Variants in SLC25A32 observed in about 807,000 individuals in gnomAD.
SLC25A32 encodes Glycine auxotroph B, complementation of hamster.
Under a neutral mutation model 39.0 loss-of-function variants are expected in SLC25A32, and 32 were observed. That is an observed-to-expected ratio of 0.82 (90% confidence interval 0.62 to 1.10). The LOEUF is 1.10. Ranked by LOEUF, SLC25A32 falls within the 50% of genes least tolerant of loss-of-function variation. SLC25A32 has a pLI of 0.00. For missense variants in SLC25A32, 367 were observed against 395.3 expected (o/e 0.93, Z 0.61); for synonymous variants, 166 against 152.4 (o/e 1.09, Z -0.66).
intron 2 of SLC25A32, among the ~76,000 whole-genome samples, chr8:103,405,596 C>T (rs918074301): frequency 6.6e-6 from 1 of 151,980 alleles, no homozygotes; most frequent in Non-Finnish European, 1.5e-5. Flanking sequence ...TCAAATCAGC[C>T]TATTTCCTTT....
rs1336083879 is a variant in SLC25A32, at chr8:103,402,041, C to T, written c.566G>A (p.Gly189Glu). The change falls in exon 5 of 7, where the codon GGG (glycine) becomes GAG (glutamate). Residue 189 changes from glycine (G) to glutamate (E), a missense_variant. Gly to Glu is a moderately conservative substitution (Grantham distance 98). Transcript: ENST00000297578. The stretch of plus-strand genomic sequence containing the variant: ...GGCACCATGCGATGTTCCAAACAGC[C>T]CAGGAACAAATCCCTACAAGGGAAT... Reference protein sequence around the residue: ...VRGLYKGFVPGLFGTSHGALQ... With the variant: ...VRGLYKGFVPELFGTSHGALQ... 6.2e-7 allele frequency: 1 copy of T among 1,607,162 alleles called. No individual in the cohort carries two copies. The highest frequency in any genetic ancestry group is 8.5e-7 in the Non-Finnish European group (1 of 1,176,740).
At position 103,414,870 on chromosome 8, in the gene SLC25A32, T is replaced by C; in HGVS notation, c.68A>G (p.Tyr23Cys). Residue 23 changes from tyrosine to cysteine, a missense_variant, in exon 1 of 7, where the codon TAT (tyrosine) becomes TGT (cysteine). By Grantham distance (194) the Tyr-to-Cys change is radical (BLOSUM62 -2). Transcript: ENST00000297578. ...AWSTVFRHVR[Y>C]ENLIAGVSGG... ...GCTCACGCCCGCTATCAGGTTCTCATACCGGACGTGGCGGAATACCGTGCT... is the reference window on the plus strand; with the variant it reads ...GCTCACGCCCGCTATCAGGTTCTCACACCGGACGTGGCGGAATACCGTGCT... 3 of 1,613,488 alleles carry C rather than the reference T, an allele frequency of 1.9e-6. No homozygotes were observed. Among genetic ancestry groups the C allele is most frequent in the Non-Finnish European group, 2.5e-6 (3 of 1,179,908 alleles).
intron 2 of SLC25A32, among the ~76,000 whole-genome samples, chr8:103,405,206 C>T (rs533839867): frequency 1.9e-4 from 29 of 152,266 alleles, no homozygotes; most frequent in Middle Eastern, 3.4e-3. Context: ...GGGTACCTAA[C>T]AAATATATAC....
intron 1 of SLC25A32, among the ~76,000 whole-genome samples, chr8:103,413,725 T>C (rs180832698): frequency 9.6e-4 from 146 of 152,340 alleles, no homozygotes; most frequent in African/African-American, 3.3e-3. Flanking sequence ...TTTTCGATGA[T>C]TTTCCTTCAT....
chr8:103,400,712 G>C (rs1463148717), intron 6 of SLC25A32, among the ~76,000 whole-genome samples, 166 bp from the exon 7 acceptor site: 1 of 152,166 alleles, frequency 6.6e-6, no homozygotes, highest in Non-Finnish European at 1.5e-5. Context: ...GCCATCTGTA[G>C]GGATTTACAT....
rs773008806 is a variant in SLC25A32, at chr8:103,414,775, G to A, written c.154+9C>T. On this transcript the variant is annotated intron_variant, in intron 1 of 6. Transcript: ENST00000297578. The stretch of plus-strand genomic sequence containing the variant: ...GAGGATGCAGCCCGGTGTCTGGGCG[G>A]GCTCTTACCGGCGAAGCGGATCTTC... 9 of 1,613,482 alleles carry A rather than the reference G, an allele frequency of 5.6e-6. No individual in the cohort carries two copies. The highest frequency in any genetic ancestry group is 1.3e-5 in the African/African-American group (1 of 74,928).
Position 103,412,896 on chromosome 8 carries a change from G to C in SLC25A32, c.154+1888C>G, listed in dbSNP as rs1034269725. On this transcript the variant is annotated intron_variant, in intron 1 of 6. Coordinates refer to ENST00000297578, the MANE Select transcript of SLC25A32 (RefSeq NM_030780.5). ...ATTAAATGAGTTTAATTACATGGAA[G>C]CATAAAAATTATAGTATGTTACTCA... Among the ~76,000 whole-genome samples the C allele has an allele frequency of 1.3e-4, 20 of 152,164 alleles. 2 individuals are homozygous for C. The highest frequency in any genetic ancestry group is 2.9e-5 in the Non-Finnish European group (2 of 68,028).
chr8:103,409,582 G>A (rs1406874658), intron 1 of SLC25A32, among the ~76,000 whole-genome samples: 2 of 152,088 alleles, frequency 1.3e-5, no homozygotes, highest in Admixed American at 6.5e-5. Flanking sequence ...TTACAAATAC[G>A]TATTGAACCT....
Position 103,401,605 on chromosome 8 carries a change from T to C in SLC25A32, c.723A>G (p.Ala241=), listed in dbSNP as rs371592738. ...CTCTTACGACTTGATATGGGTATGT[T>C]GCTGCGACAGCAAATATTTTGGATA... ...AALSKIFAVA[A]TYPYQVVRAR... Residue 241 remains alanine (A), a synonymous_variant, in exon 6 of 7, where the codon GCA becomes GCG. Transcript: ENST00000297578. 18 of 1,613,760 alleles carry C rather than the reference T, an allele frequency of 1.1e-5. No individual in the cohort carries two copies. In the African/African-American group the frequency reaches 2.1e-4, roughly 19 times the overall value.
intron 1 of SLC25A32, among the ~76,000 whole-genome samples, chr8:103,414,413 T>C (rs537514630): frequency 6.6e-6 from 1 of 152,330 alleles, no homozygotes; most frequent in African/African-American, 2.4e-5. Flanking sequence ...CCAAACCACG[T>C]GGGTATGCTA....
At chr8:103,407,564 C>T in intron 2 of SLC25A32, 70 bp downstream of exon 2, 1 of 1,208,290 alleles carries the variant, frequency 8.3e-7, no homozygotes, top group Non-Finnish European at 1.1e-6. Context: ...TTTACATTTA[C>T]ATGTAAAAAT....
rs1816196779 is a variant in SLC25A32, at chr8:103,400,553, AG to A, written c.813-8del. On this transcript the variant is annotated splice_region_variant and splice_polypyrimidine_tract_variant and intron_variant, in intron 6 of 6. Coordinates refer to ENST00000297578, the MANE Select transcript of SLC25A32 (RefSeq NM_030780.5). ...TCCACCGACGCCTTCTTTCCTTTAGAGGGAAAAATAGATAATGCTTAATTTT... is the reference window on the plus strand; with the variant it reads ...TCCACCGACGCCTTCTTTCCTTTAGAGGAAAAATAGATAATGCTTAATTTT... The A allele has an allele frequency of 1.9e-6, 3 of 1,612,908 alleles. No homozygotes were observed. Among genetic ancestry groups the A allele is most frequent in the Non-Finnish European group, 2.5e-6 (3 of 1,179,664 alleles).
chr8:103,405,661 CTTTT>C (rs915197286), intron 2 of SLC25A32, among the ~76,000 whole-genome samples: 4 of 146,340 alleles, frequency 2.7e-5, no homozygotes, highest in African/African-American at 1.0e-4. Flanking sequence ...CACATTCTTT[CTTTT>C]TTTTTTTATT....
chr8:103,413,369 ATAGAGG>A, intron 1 of SLC25A32, among the ~76,000 whole-genome samples: 1 of 152,338 alleles, frequency 6.6e-6, no homozygotes, highest in East Asian at 1.9e-4. Context: ...ACAGGTACTT[ATAGAGG>A]TAATACGGTG....
At chr8:103,401,810 T>G in intron 5 of SLC25A32, 131 bp downstream of exon 5, 2 of 963,232 alleles carry the variant, frequency 2.1e-6, no homozygotes, top group Non-Finnish European at 3.0e-6. Flanking sequence ...AATATTTAAC[T>G]ATAAATTAAA....
At chr8:103,406,085 A>T (rs1228004577) in intron 2 of SLC25A32, among the ~76,000 whole-genome samples, 1 of 151,366 alleles carries the variant, frequency 6.6e-6, no homozygotes, top group Admixed American at 6.6e-5. Flanking sequence ...ATATATACAC[A>T]CACACATATA....
At chr8:103,409,714 C>T (rs1816419704) in intron 1 of SLC25A32, among the ~76,000 whole-genome samples, 2 of 152,164 alleles carry the variant, frequency 1.3e-5, no homozygotes, top group Admixed American at 6.5e-5. Flanking sequence ...TCACTATTTA[C>T]CATTGCCAGG....
intron 5 of SLC25A32, 122 bp downstream of exon 5, chr8:103,401,819 A>T (rs1478207396): frequency 6.2e-6 from 6 of 960,932 alleles, no homozygotes; most frequent in African/African-American, 5.0e-5. Context: ...CTATAAATTA[A>T]ATCAGTGGCA....
At chr8:103,402,598 T>C (rs1354655714) in intron 4 of SLC25A32, 1 of 152,084 alleles carries the variant, frequency 6.6e-6, no homozygotes, top group South Asian at 2.1e-4. Flanking sequence ...AAAATTTCTT[T>C]ATGGGGATAA....
Sources: gnomAD v4.1 joint callset for allele counts (sites outside exome capture counted in the v4.1 genomes callset) on GRCh38, gnomAD v4.1.1 for gene constraint, MANE v1.5 for transcripts, NCBI Gene and HGNC (gene_info 2026-07-23, HGNC 2026-07-21) for gene names.